Variants in VPS13A observed in about 807,000 individuals in gnomAD.
VPS13A encodes vacuolar protein sorting 13 homolog A.
VPS13A carries 264 observed loss-of-function variants against 390.9 expected under a neutral mutation model. That is an observed-to-expected ratio of 0.68 (90% confidence interval 0.61 to 0.75). VPS13A has a LOEUF of 0.75. Among genes scored for constraint, VPS13A ranks in the 30% least tolerant of loss-of-function variants. The pLI is 0.00. For synonymous variants in VPS13A, 1,231 were observed against 1,227.1 expected (o/e 1.00, Z -0.07); for missense variants, 3,409 against 3,733.9 (o/e 0.91, Z 2.27).
chr9:77,339,324 A>G, intron 47 of VPS13A, 192 bp from the exon 48 acceptor site: 1 of 593,994 alleles, frequency 1.7e-6, no homozygotes, highest in Non-Finnish European at 2.9e-6. Flanking sequence ...AGTAGCTCAA[A>G]TCTCAGATTA....
intron 23 of VPS13A, among the ~76,000 whole-genome samples, chr9:77,266,172 GC>G (rs1288965345): frequency 6.6e-6 from 1 of 152,112 alleles, no homozygotes; most frequent in Non-Finnish European, 1.5e-5. Context: ...TGTTATGACT[GC>G]CATTCTTTTG....
intron 1 of VPS13A, among the ~76,000 whole-genome samples, chr9:77,185,205 A>C (rs1468703707): frequency 6.6e-6 from 1 of 150,972 alleles, no homozygotes; most frequent in African/African-American, 2.4e-5. Flanking sequence ...GCGGTGGCGC[A>C]ATTTTGGCTC....
intron 27 of VPS13A, 87 bp from the exon 28 acceptor site, chr9:77,281,780 T>G: frequency 1.3e-6 from 1 of 784,328 alleles, no homozygotes; most frequent in Non-Finnish European, 2.2e-6. Context: ...GCTGGAAAAT[T>G]ATATAAATGT....
Position 77,357,715 on chromosome 9 carries a change from T to C in VPS13A, c.7830T>C (p.His2610=), listed in dbSNP as rs1831894701. The C allele has an allele frequency of 1.2e-6, 2 of 1,613,890 alleles. No individual in the cohort carries two copies. The change falls in exon 56 of 72, where the codon CAT becomes CAC. Residue 2610 remains histidine, a synonymous_variant. Coordinates refer to ENST00000360280, the MANE Select transcript of VPS13A (RefSeq NM_033305.3). ...NVPVRLTPTG[H]NMKILQPHVI... ...AGGTTCGCCTAACCCCTACTGGTCA[T>C]AACATGAAAATTCTGCAGCCGCATG...
At chr9:77,206,336 T>C in intron 5 of VPS13A, among the ~76,000 whole-genome samples, 1 of 149,448 alleles carries the variant, frequency 6.7e-6, no homozygotes, top group Middle Eastern at 3.5e-3. Context: ...TTTTTATATA[T>C]ATATATATAC....
chr9:77,421,009 A>T lies in VPS13A; in HGVS notation c.*5003A>T, dbSNP rs1447470316. 1 of 152,234 alleles carries T rather than the reference A, an allele frequency of 6.6e-6. No individual in the cohort carries two copies. Among genetic ancestry groups the T allele is most frequent in the Non-Finnish European group, 1.5e-5 (1 of 68,040 alleles). The allele number at this position is 152,234 out of a possible 1,614,324, so 9.4% of individuals were successfully genotyped here. On this transcript the variant is annotated 3_prime_UTR_variant, in exon 72 of 72. Transcript: ENST00000360280. ...TTGTTACAAGGTCAGATAAACTGTTACAGAATTTTAGAAATAATTATCTCT... is the reference window on the plus strand; with the variant it reads ...TTGTTACAAGGTCAGATAAACTGTTTCAGAATTTTAGAAATAATTATCTCT...
chr9:77,383,904 G>A (rs1833562117), intron 68 of VPS13A, among the ~76,000 whole-genome samples: 1 of 150,754 alleles, frequency 6.6e-6, no homozygotes, highest in Admixed American at 6.6e-5. Flanking sequence ...GGATGTTGCA[G>A]TTAGCATTTT....
intron 1 of VPS13A, among the ~76,000 whole-genome samples, chr9:77,192,881 C>G (rs1207158263): frequency 6.6e-6 from 1 of 152,124 alleles, no homozygotes; most frequent in Non-Finnish European, 1.5e-5. Flanking sequence ...ATTTGCATGT[C>G]AACCTCTCTA....
intron 67 of VPS13A, 74 bp downstream of exon 67, chr9:77,371,223 CT>C: frequency 6.3e-7 from 1 of 1,595,590 alleles, no homozygotes; most frequent in Non-Finnish European, 8.6e-7. Context: ...TGCTCTTTGG[CT>C]TCAGGCATTT....
intron 31 of VPS13A, among the ~76,000 whole-genome samples, chr9:77,291,800 G>A (rs1827680250): frequency 6.6e-6 from 1 of 152,126 alleles, no homozygotes; most frequent in African/African-American, 2.4e-5. Context: ...CCTAGCCAGG[G>A]CTGTTTCTGT....
chr9:77,229,088 A>T lies in VPS13A; in HGVS notation c.1595+824A>T, dbSNP rs575896793. ...TCTAGAACTTTATTTTATTTTATTTATTTTTTTTGAGACAGGGTTTCACTC... is the reference window on the plus strand; with the variant it reads ...TCTAGAACTTTATTTTATTTTATTTTTTTTTTTTGAGACAGGGTTTCACTC... On this transcript the variant is annotated intron_variant, in intron 17 of 71. Transcript: ENST00000360280. Among the ~76,000 whole-genome samples the T allele has an allele frequency of 1.2e-3, 180 of 151,568 alleles. 1 individual carries two copies. The highest frequency in any genetic ancestry group is 2.2e-3 in the Non-Finnish European group (147 of 67,874).
At chr9:77,356,363 C>T (rs556361996) in intron 54 of VPS13A, among the ~76,000 whole-genome samples, 38 of 152,228 alleles carry the variant, frequency 2.5e-4, no homozygotes, top group African/African-American at 9.2e-4. Flanking sequence ...TCTCCGGATC[C>T]CCCTTGCCTT....
intron 69 of VPS13A, among the ~76,000 whole-genome samples, chr9:77,403,895 A>AGAGT (rs1834487403): frequency 1.3e-5 from 2 of 152,172 alleles, no homozygotes; most frequent in South Asian, 4.1e-4. Context: ...TGGGTGGTGG[A>AGAGT]GAGTGAAAAT....
intron 21 of VPS13A, among the ~76,000 whole-genome samples, 156 bp from the exon 22 acceptor site, chr9:77,252,079 C>T (rs1825176225): frequency 6.6e-6 from 1 of 152,072 alleles, no homozygotes; most frequent in Admixed American, 6.5e-5. Context: ...ATTTGATAAC[C>T]TACTGATTGT....
intron 5 of VPS13A, among the ~76,000 whole-genome samples, chr9:77,207,301 T>C (rs1325057183): frequency 7.2e-6 from 1 of 139,502 alleles, no homozygotes; most frequent in Non-Finnish European, 1.5e-5. Context: ...TAACATAACA[T>C]ATTTTATAAC....
chr9:77,236,805 T>C (rs542642641), intron 17 of VPS13A, among the ~76,000 whole-genome samples: 74 of 152,330 alleles, frequency 4.9e-4, no homozygotes, highest in East Asian at 3.9e-4. Flanking sequence ...CATATTAATG[T>C]AGATTTTCTG....
intron 54 of VPS13A, among the ~76,000 whole-genome samples, chr9:77,354,669 C>T (rs936009267): frequency 7.9e-5 from 12 of 152,054 alleles, no homozygotes; most frequent in African/African-American, 2.4e-4. Context: ...ATTGCAGTGG[C>T]GCACTCTATA....
chr9:77,374,157 T>C (rs1832945323), intron 67 of VPS13A, among the ~76,000 whole-genome samples: 1 of 152,190 alleles, frequency 6.6e-6, no homozygotes, highest in Non-Finnish European at 1.5e-5. Context: ...TGTTATAAGT[T>C]GTTATAGTAG....
intron 54 of VPS13A, 101 bp from the exon 55 acceptor site, chr9:77,356,613 T>C (rs986315640): frequency 7.5e-7 from 1 of 1,337,038 alleles, no homozygotes. Flanking sequence ...GAGGCTGTTC[T>C]GAAATTTTAG....
Sources: gnomAD v4.1 joint callset for allele counts (sites outside exome capture counted in the v4.1 genomes callset) on GRCh38, gnomAD v4.1.1 for gene constraint, MANE v1.5 for transcripts, NCBI Gene and HGNC (gene_info 2026-07-23, HGNC 2026-07-21) for gene names.